Variants in HGS observed in about 807,000 individuals in gnomAD.
The protein encoded by HGS is hepatocyte growth factor-regulated tyrosine kinase substrate.
In HGS, 63 loss-of-function variants were observed where a neutral mutation model predicts 109.7. The observed-to-expected ratio is 0.57, with a 90% confidence interval of 0.47 to 0.71. The LOEUF is 0.71. Ranked by LOEUF, HGS falls within the 30% of genes least tolerant of loss-of-function variation. The pLI is 0.00. For synonymous variants in HGS, 546 were observed against 437.3 expected (o/e 1.25, Z -3.10); for missense variants, 995 against 1,068.3 (o/e 0.93, Z 0.96).
At chr17:81,690,985 C>G (rs996969117) in intron 7 of HGS, among the ~76,000 whole-genome samples, 1 of 152,216 alleles carries the variant, frequency 6.6e-6, no homozygotes, top group Non-Finnish European at 1.5e-5. Flanking sequence ...AAACCTAGGG[C>G]TACAGGCCTT....
intron 2 of HGS, among the ~76,000 whole-genome samples, 188 bp downstream of exon 2, chr17:81,685,877 C>G (rs560294887): frequency 2.0e-5 from 3 of 152,300 alleles, no homozygotes; most frequent in South Asian, 2.1e-4. Flanking sequence ...GTACAGCTTG[C>G]AGATACCTGG....
chr17:81,696,194 T>TGCCCTGCCCTGCCCA, intron 15 of HGS, 163 bp from the exon 16 acceptor site: 1 of 935,570 alleles, frequency 1.1e-6, no homozygotes, highest in Non-Finnish European at 1.5e-6. Context: ...TGCCCTGCCC[T>TGCCCTGCCCTGCCCA]GCCCTGCCCA....
Position 81,701,883 on chromosome 17 carries a change from A to C in HGS, c.*265A>C. 1 of 396,584 alleles carries C rather than the reference A, an allele frequency of 2.5e-6. No homozygotes were observed. Among genetic ancestry groups the C allele is most frequent in the Non-Finnish European group, 4.4e-6 (1 of 226,020 alleles). 24.6% of individuals were successfully genotyped at this position (396,584 alleles called of 1,614,324 possible). A position where few individuals can be genotyped will look rare whatever the true frequency, so the allele number is the denominator to read the frequency against. ...GGGGAAGCCCCCAGCCCTGTGGGTCATGGTCTGTGAGAGGTGGCAGGAATG... is the reference window on the plus strand; with the variant it reads ...GGGGAAGCCCCCAGCCCTGTGGGTCCTGGTCTGTGAGAGGTGGCAGGAATG... On this transcript the variant is annotated 3_prime_UTR_variant, in exon 22 of 22. Transcript: ENST00000329138.
Position 81,700,588 on chromosome 17 carries a change from A to G in HGS, c.2004A>G (p.Thr668=). 1.9e-6 allele frequency: 3 copies of G among 1,606,520 alleles called. No homozygotes were observed. Among genetic ancestry groups the G allele is most frequent in the Non-Finnish European group, 2.6e-6 (3 of 1,175,870 alleles). The change falls in exon 19 of 22, where the codon ACA becomes ACG. Residue 668 remains threonine, a synonymous_variant. Coordinates refer to ENST00000329138, the MANE Select transcript of HGS (RefSeq NM_004712.5). ...ACTCATCCTACCAGCCTACTCCCAC[A>G]GCGGGCTACCAGGTACACAGGAAGG... is the stretch of plus-strand genomic sequence containing the variant. ...PAYSSYQPTP[T]AGYQNVASQA... is the part of the protein sequence containing the mutation.
At chr17:81,690,876 G>A (rs2037053469) in intron 7 of HGS, 134 bp downstream of exon 7, 1 of 702,284 alleles carries the variant, frequency 1.4e-6, no homozygotes, top group Non-Finnish European at 2.3e-6. Context: ...CGCAGCGGGT[G>A]GCAGTGTGGC....
intron 18 of HGS, chr17:81,697,349 G>GCCCCCCCCCCCC (rs59387473): frequency 1.6e-5 from 1 of 61,856 alleles, no homozygotes; most frequent in African/African-American, 7.6e-5. Context: ...CGTGGCATTT[G>GCCCCCCCCCCCC]CCCCCCCCCC....
At chr17:81,695,633 C>T (rs1448906378) in intron 14 of HGS, 153 bp from the exon 15 acceptor site, 3 of 695,440 alleles carry the variant, frequency 4.3e-6, no homozygotes, top group South Asian at 1.8e-5. Context: ...TCCAGGGCCT[C>T]GCCTTCCTCA....
rs577999966 is a variant in HGS, at chr17:81,701,763, C to A, written c.*145C>A. On this transcript the variant is annotated 3_prime_UTR_variant, in exon 22 of 22. Transcript: ENST00000329138. ...GTGAGGGGGGGCCTTCACCCCAAGC[C>A]CACCTCCCTTGTCCTCAGCCTACTG... 1.6e-6 allele frequency: 2 copies of A among 1,239,670 alleles called. No homozygotes were observed. Among genetic ancestry groups the A allele is most frequent in the African/African-American group, 1.5e-5 (1 of 66,082 alleles). 76.8% of individuals were successfully genotyped at this position (1,239,670 alleles called of 1,614,324 possible).
At chr17:81,689,332 G>T (rs145724746) in intron 5 of HGS, among the ~76,000 whole-genome samples, 1 of 152,260 alleles carries the variant, frequency 6.6e-6, no homozygotes, top group South Asian at 2.1e-4. Flanking sequence ...TGGAGTTCAG[G>T]GTTGCTGTCA....
At chr17:81,697,468 G>C (rs1701402295) in intron 18 of HGS, 2 of 151,864 alleles carry the variant, frequency 1.3e-5, no homozygotes, top group African/African-American at 2.5e-5. Context: ...GCTCAGGTTT[G>C]TCTGGTGTCT....
intron 1 of HGS, chr17:81,684,976 T>C (rs370406425): frequency 5.1e-6 from 5 of 985,378 alleles, no homozygotes; most frequent in Non-Finnish European, 6.0e-6. Context: ...GTTAGATCGT[T>C]TCTGTATCCG....
Position 81,691,308 on chromosome 17 carries a change from C to T in HGS, c.538-139C>T, listed in dbSNP as rs1488961630. 3 of 1,044,530 alleles carry T rather than the reference C, an allele frequency of 2.9e-6. No homozygotes were observed. The highest frequency in any genetic ancestry group is 1.6e-5 in the African/African-American group (1 of 64,136). The allele number at this position is 1,044,530 out of a possible 1,614,324, so 64.7% of individuals were successfully genotyped here. A position where few individuals can be genotyped will look rare whatever the true frequency, so the allele number is the denominator to read the frequency against. On this transcript the variant is annotated intron_variant, in intron 7 of 21. Transcript: ENST00000329138. This position sits in a 1 kb window ranked among gnomAD's most constrained non-coding sequence, Gnocchi z 5.3. The stretch of plus-strand genomic sequence containing the variant: ...AGGTTCCCCGGCCTTAGGGTCTTCC[C>T]AGGCACTTGTTCTGCTTGTCCCTTG...
Position 81,688,697 on chromosome 17 carries a change from C to A in HGS, c.292-7C>A. 1 of 1,613,564 alleles carries A rather than the reference C, an allele frequency of 6.2e-7. No homozygotes were observed. The highest frequency in any genetic ancestry group is 8.5e-7 in the Non-Finnish European group (1 of 1,179,784). ...TGCGACCCTCACCCCCTTCTCCCTG[C>A]CTGCAGAGACAAGTGGAGGTAAACG... On this transcript the variant is annotated splice_region_variant and splice_polypyrimidine_tract_variant and intron_variant, in intron 4 of 21. Coordinates refer to ENST00000329138, the MANE Select transcript of HGS (RefSeq NM_004712.5).
rs779851379 is a variant in HGS, at chr17:81,695,074, G to C, written c.1119+7G>C. The C allele has an allele frequency of 1.2e-6, 2 of 1,612,570 alleles. No individual in the cohort carries two copies. The highest frequency in any genetic ancestry group is 1.7e-6 in the Non-Finnish European group (2 of 1,178,838). On this transcript the variant is annotated splice_region_variant and intron_variant, in intron 13 of 21. Coordinates refer to ENST00000329138, the MANE Select transcript of HGS (RefSeq NM_004712.5). ...CCCCACCAACGTGGTGGAGGTGAGG[G>C]GGCCACTCCCGGCATTCCTAGTGGC...
intron 4 of HGS, among the ~76,000 whole-genome samples, chr17:81,688,158 G>A (rs557581724): frequency 6.6e-6 from 1 of 151,748 alleles, no homozygotes; most frequent in East Asian, 1.9e-4. Flanking sequence ...ACGTCACACC[G>A]GGACGGCGTC....
chr17:81,693,458 G>A (rs1212368181), intron 8 of HGS, 45 bp from the exon 9 acceptor site: 2 of 1,441,090 alleles, frequency 1.4e-6, no homozygotes, highest in African/African-American at 2.8e-5. Context: ...CGGGGGCAGG[G>A]CGGTGTCAGC....
At position 81,691,706 on chromosome 17, in the gene HGS, G is replaced by A; in HGVS notation, c.662+135G>A. 8.4e-7 allele frequency: 1 copy of A among 1,190,456 alleles called. No individual in the cohort carries two copies. Among genetic ancestry groups the A allele is most frequent in the Non-Finnish European group, 1.2e-6 (1 of 836,280 alleles). The allele number at this position is 1,190,456 out of a possible 1,614,324, so 73.7% of individuals were successfully genotyped here. A position where few individuals can be genotyped will look rare whatever the true frequency, so the allele number is the denominator to read the frequency against. ...ACAGCACAGCAGCTGGAAGGTCAAG[G>A]GAAACCCAGGGTGGCCGCATGCCCT... On this transcript the variant is annotated intron_variant, in intron 8 of 21. Transcript: ENST00000329138. The surrounding 1 kb of genome is among the most constrained non-coding windows in gnomAD (Gnocchi z 5.3).
Position 81,690,763 on chromosome 17 carries a change from C to T in HGS, c.537+21C>T, listed in dbSNP as rs4074682. 1.0e-3 allele frequency: 1,675 copies of T among 1,605,374 alleles called. 24 individuals are homozygous for T. The African/African-American group carries it at 0.02, about 20-fold the overall frequency. ...GTAAGGTGAGTTCCCACCTGGGGGG[C>T]TCTACAGCCCCGGCCAGACACCAGG... On this transcript the variant is annotated intron_variant, in intron 7 of 21. Transcript: ENST00000329138.
chr17:81,689,193 C>T (rs560937789), intron 5 of HGS, among the ~76,000 whole-genome samples: 20 of 152,322 alleles, frequency 1.3e-4, no homozygotes, highest in Non-Finnish European at 2.5e-4. Context: ...AAGCCAGAGC[C>T]GGCGTGAGCA....
Sources: allele counts gnomAD v4.1 joint callset (sites outside exome capture counted in the v4.1 genomes callset), GRCh38; gene constraint gnomAD v4.1.1; non-coding constraint Gnocchi (gnomAD v3.1); transcripts MANE v1.5; gene names NCBI Gene and HGNC (gene_info 2026-07-23, HGNC 2026-07-21).